Variants in TLL1 observed in about 807,000 individuals in gnomAD.
TLL1 encodes tolloid-like protein 1.
TLL1 carries 49 observed loss-of-function variants against 128.2 expected under a neutral mutation model. The ratio of observed to expected loss-of-function variants is 0.38; its 90% CI spans 0.30 to 0.48. The LOEUF (loss-of-function observed/expected upper bound fraction) is 0.48, where lower values mean the gene tolerates loss of function less well. Ranked by LOEUF, TLL1 falls within the 20% of genes least tolerant of loss-of-function variation. The probability of loss-of-function intolerance (pLI) is 0.96; values close to 1 mark genes in which losing one functional copy is unlikely to be tolerated. For synonymous variants in TLL1, 454 were observed against 418.8 expected (o/e 1.08, Z -1.03); for missense variants, 1,123 against 1,242.0 (o/e 0.90, Z 1.44).
intron 19 of TLL1, among the ~76,000 whole-genome samples, chr4:166,096,780 G>A (rs1047124561): frequency 3.3e-5 from 5 of 152,094 alleles, no homozygotes; most frequent in Non-Finnish European, 7.4e-5. Context: ...ATCTGTAAAT[G>A]AGATTACAGT....
chr4:165,990,791 G>A (rs1503297), intron 2 of TLL1, among the ~76,000 whole-genome samples: 1 of 151,882 alleles, frequency 6.6e-6, no homozygotes, highest in Non-Finnish European at 1.5e-5. Context: ...GAAAGCCTAA[G>A]GAATTCATCT....
At chr4:165,927,229 A>G (rs1025848662) in intron 1 of TLL1, among the ~76,000 whole-genome samples, 1 of 152,230 alleles carries the variant, frequency 6.6e-6, no homozygotes, top group Non-Finnish European at 1.5e-5. Context: ...AGGACATTCA[A>G]TCACTCTCTT....
chr4:165,878,752 A>G (rs1730832938), intron 1 of TLL1, among the ~76,000 whole-genome samples: 1 of 151,974 alleles, frequency 6.6e-6, no homozygotes, highest in Admixed American at 6.6e-5. Flanking sequence ...TTGCTGTAAT[A>G]ATGCATAGAA....
chr4:165,954,160 C>T (rs1297532531), intron 1 of TLL1, among the ~76,000 whole-genome samples: 1 of 151,932 alleles, frequency 6.6e-6, no homozygotes, highest in Non-Finnish European at 1.5e-5. Flanking sequence ...AGAATATTGC[C>T]AACGGCTATA....
intron 1 of TLL1, among the ~76,000 whole-genome samples, chr4:165,965,183 T>C (rs1735308867): frequency 6.6e-6 from 1 of 152,184 alleles, no homozygotes; most frequent in Non-Finnish European, 1.5e-5. Flanking sequence ...AGGTATATCA[T>C]GTTGGGATAG....
At chr4:165,992,625 C>G (rs917864750) in intron 2 of TLL1, among the ~76,000 whole-genome samples, 179 bp from the exon 3 acceptor site, 3 of 151,964 alleles carry the variant, frequency 2.0e-5, no homozygotes, top group Non-Finnish European at 2.9e-5. Flanking sequence ...TTTTAGTTAC[C>G]AACATTGGTT....
chr4:166,093,926 A>T (rs1031073754), intron 19 of TLL1, among the ~76,000 whole-genome samples: 4 of 152,098 alleles, frequency 2.6e-5, no homozygotes, highest in African/African-American at 9.7e-5. Flanking sequence ...GAGCTCAAAG[A>T]TGGGGCAAAG....
chr4:166,082,967 G>A (rs1355030244), intron 18 of TLL1, among the ~76,000 whole-genome samples: 6 of 152,202 alleles, frequency 3.9e-5, no homozygotes, highest in African/African-American at 1.2e-4. Context: ...GTGAGCCACC[G>A]TGCCCTGCTA....
chr4:166,057,366 T>G, intron 14 of TLL1, 57 bp downstream of exon 14: 1 of 1,597,458 alleles, frequency 6.3e-7, no homozygotes, highest in Non-Finnish European at 8.5e-7. Context: ...TTTCTTATAT[T>G]CTCATTCTCT....
chr4:165,938,515 A>G (rs1398889569), intron 1 of TLL1, among the ~76,000 whole-genome samples: 1 of 152,076 alleles, frequency 6.6e-6, no homozygotes, highest in African/African-American at 2.4e-5. Flanking sequence ...TTTACAACTC[A>G]TTAGTTGAAT....
At chr4:166,030,582 A>T (rs964299945) in intron 9 of TLL1, 3 of 544,860 alleles carry the variant, frequency 5.5e-6, no homozygotes, top group African/African-American at 1.9e-5. Flanking sequence ...TCATGGCCAT[A>T]TGTAATGACA....
chr4:165,994,349 T>A (rs763374286), intron 3 of TLL1, 32 bp from the exon 4 acceptor site: 3 of 1,613,822 alleles, frequency 1.9e-6, no homozygotes, highest in Middle Eastern at 1.7e-4. Context: ...CAAGAACTTC[T>A]GTTTCACAGA....
At chr4:165,891,529 AT>A (rs1044129268) in intron 1 of TLL1, among the ~76,000 whole-genome samples, 65 of 152,240 alleles carry the variant, frequency 4.3e-4, no homozygotes, top group African/African-American at 1.6e-3. Flanking sequence ...ACCCTAAATC[AT>A]TTCTCTGAGG....
At chr4:165,921,569 C>T (rs1733043335) in intron 1 of TLL1, among the ~76,000 whole-genome samples, 1 of 152,102 alleles carries the variant, frequency 6.6e-6, no homozygotes, top group Non-Finnish European at 1.5e-5. Context: ...ACCCCGGGGA[C>T]CCTTCTTTCA....
At chr4:165,955,340 G>A (rs1561052410) in intron 1 of TLL1, among the ~76,000 whole-genome samples, 1 of 152,076 alleles carries the variant, frequency 6.6e-6, no homozygotes, top group African/African-American at 2.4e-5. Context: ...AGAGATAAGA[G>A]AGAGTAAGCA....
intron 1 of TLL1, among the ~76,000 whole-genome samples, chr4:165,973,772 T>C (rs191303421): frequency 1.1e-4 from 16 of 151,952 alleles, no homozygotes; most frequent in African/African-American, 3.9e-4. Flanking sequence ...TACAAGTAAT[T>C]CTCTTGTCTC....
chr4:165,955,174 C>A (rs554509654), intron 1 of TLL1, among the ~76,000 whole-genome samples: 1 of 152,110 alleles, frequency 6.6e-6, no homozygotes, highest in South Asian at 2.1e-4. Flanking sequence ...AGAAAAGAAT[C>A]TTGGAGCTTG....
chr4:165,877,422 C>A (rs1730765778), intron 1 of TLL1, among the ~76,000 whole-genome samples: 1 of 152,174 alleles, frequency 6.6e-6, no homozygotes, highest in African/African-American at 2.4e-5. Flanking sequence ...GTGCAGTACA[C>A]AATCATCTGA....
chr4:165,905,311 T>G (rs2110860768), intron 1 of TLL1, among the ~76,000 whole-genome samples: 1 of 152,348 alleles, frequency 6.6e-6, no homozygotes, highest in East Asian at 1.9e-4. Flanking sequence ...TGTCCATCCT[T>G]AGGTGAATGA....
Sources: gnomAD v4.1 joint callset for allele counts (sites outside exome capture counted in the v4.1 genomes callset) on GRCh38, gnomAD v4.1.1 for gene constraint, MANE v1.5 for transcripts, NCBI Gene and HGNC (gene_info 2026-07-23, HGNC 2026-07-21) for gene names.